Variants in TFDP1 observed in about 807,000 individuals in gnomAD.
TFDP1 encodes transcription factor Dp-1.
In TFDP1, 6 loss-of-function variants were observed where a neutral mutation model predicts 48.0. The ratio of observed to expected loss-of-function variants is 0.13; its 90% CI spans 0.07 to 0.25. The LOEUF (loss-of-function observed/expected upper bound fraction) is 0.25, where lower values mean the gene tolerates loss of function less well. Among genes scored for constraint, TFDP1 ranks in the 10% least tolerant of loss-of-function variants. TFDP1 has a pLI of 1.00. For synonymous variants in TFDP1, 201 were observed against 211.6 expected (o/e 0.95, Z 0.44); for missense variants, 335 against 543.0 (o/e 0.62, Z 3.81).
rs1051333037 is a variant in TFDP1 at position 113,633,610 on chromosome 13, G to A, written c.475-280G>A. ...ACTCCAGTGAGTGAGCACGTGGGCT[G>A]GCTCTGCACGTCTAGCGGCCCAGAA... is the stretch of plus-strand genomic sequence containing the variant. On this transcript the variant is annotated intron_variant, in intron 6 of 11. Transcript: ENST00000375370. The surrounding 1 kb of genome is among the most constrained non-coding windows in gnomAD (Gnocchi z 4.5). 6.6e-6 allele frequency among the ~76,000 whole-genome samples: 1 copy of A among 152,214 alleles called. No homozygotes were observed. Among genetic ancestry groups the A allele is most frequent in the Non-Finnish European group, 1.5e-5 (1 of 68,052 alleles).
chr13:113,619,642 C>T (rs1230919909), intron 3 of TFDP1, among the ~76,000 whole-genome samples: 1 of 152,084 alleles, frequency 6.6e-6, no homozygotes, highest in African/African-American at 2.4e-5. Context: ...CAAGCTCAGC[C>T]CCTATCTCCA....
chr13:113,585,209 G>C (rs2047968894), intron 1 of TFDP1: 1 of 148,818 alleles, frequency 6.7e-6, no homozygotes, highest in Non-Finnish European at 1.5e-5. Flanking sequence ...GCAGGGCGGG[G>C]GAGGGGAGGC....
At chr13:113,594,157 G>C (rs71449024) in intron 2 of TFDP1, among the ~76,000 whole-genome samples, 1 of 142,548 alleles carries the variant, frequency 7.0e-6, no homozygotes, top group Non-Finnish European at 1.5e-5. Context: ...CGGGTCCTCA[G>C]CCGTGCCCAG....
At chr13:113,599,114 A>C (rs1358912556) in intron 2 of TFDP1, among the ~76,000 whole-genome samples, 1 of 151,964 alleles carries the variant, frequency 6.6e-6, no homozygotes, top group Non-Finnish European at 1.5e-5. Flanking sequence ...AATTCTAAAT[A>C]AATGAACTCA....
At chr13:113,628,060 T>C (rs1432058017) in intron 4 of TFDP1, among the ~76,000 whole-genome samples, 1 of 152,106 alleles carries the variant, frequency 6.6e-6, no homozygotes, top group African/African-American at 2.4e-5. Context: ...GCAAAAGCTT[T>C]AGAGTCGAAA....
intron 3 of TFDP1, among the ~76,000 whole-genome samples, chr13:113,622,082 C>A (rs2049008730): frequency 1.3e-5 from 2 of 152,230 alleles, no homozygotes; most frequent in Admixed American, 6.5e-5. Flanking sequence ...GGGAAGGGCC[C>A]CCTGTCCAGT....
intron 3 of TFDP1, among the ~76,000 whole-genome samples, chr13:113,618,615 C>A (rs1158887761): frequency 1.3e-5 from 2 of 152,178 alleles, no homozygotes; most frequent in Non-Finnish European, 2.9e-5. Flanking sequence ...GCCACTGGTG[C>A]GTCTGGCCTG....
chr13:113,604,237 G>A (rs2048509774), intron 2 of TFDP1, among the ~76,000 whole-genome samples: 1 of 151,590 alleles, frequency 6.6e-6, no homozygotes, highest in African/African-American at 2.4e-5. Context: ...GTGGGTCACA[G>A]CCCACAAGAA....
chr13:113,597,068 C>G (rs975714899), intron 2 of TFDP1, among the ~76,000 whole-genome samples: 3 of 152,152 alleles, frequency 2.0e-5, no homozygotes, highest in African/African-American at 4.8e-5. Context: ...CTGGATACCC[C>G]CTGTCTGGCC....
intron 2 of TFDP1, among the ~76,000 whole-genome samples, chr13:113,602,211 G>T (rs2048452426): frequency 6.6e-6 from 1 of 151,628 alleles, no homozygotes; most frequent in Non-Finnish European, 1.5e-5. Flanking sequence ...CGCAGGAGCT[G>T]AGGGAGGAGC....
rs1025265466 is a variant in TFDP1, at chr13:113,637,961, G to A, written c.1085+65G>A. 1.3e-4 allele frequency: 201 copies of A among 1,579,816 alleles called. 1 individual carries two copies. Among genetic ancestry groups the A allele is most frequent in the Admixed American group, 8.7e-5 (5 of 57,582 alleles). ...CCTCCCCCGGGGTCCAGGGGCCAAG[G>A]CAGGGCAGCCGTCTCAGGTGTGGCC... On this transcript the variant is annotated intron_variant, in intron 11 of 11. Transcript: ENST00000375370.
rs981978543 is a variant in TFDP1, at chr13:113,595,663, A to C, written c.12+9814A>C. Among the ~76,000 whole-genome samples, 3 of 152,192 alleles carry C rather than the reference A, an allele frequency of 2.0e-5. No individual in the cohort carries two copies. In the East Asian group the frequency reaches 5.8e-4, roughly 29 times the overall value. ...CTTAGGATGAATTCCTGGAGGTGAA[A>C]TTGCCTGTGCGCGTGCATGTCTGTG... On this transcript the variant is annotated intron_variant, in intron 2 of 11. Transcript: ENST00000375370.
intron 2 of TFDP1, among the ~76,000 whole-genome samples, chr13:113,590,501 C>T (rs564368457): frequency 1.1e-4 from 17 of 152,306 alleles, no homozygotes; most frequent in Admixed American, 2.6e-4. Context: ...GTTCTGGGAA[C>T]AGGATTCAGC....
chr13:113,607,767 G>T lies in TFDP1; in HGVS notation c.13-3229G>T, dbSNP rs377007449. On this transcript the variant is annotated intron_variant, in intron 2 of 11. Transcript: ENST00000375370. The surrounding 1 kb of genome is among the most constrained non-coding windows in gnomAD (Gnocchi z 5.2). Reference sequence around the variant, plus strand: ...GGCTGTGCCAGTGGGTGGCGGTGACGGGGGCCAGTGGTTTCCTGGACCTGG... The same window carrying T: ...GGCTGTGCCAGTGGGTGGCGGTGACTGGGGCCAGTGGTTTCCTGGACCTGG... 3.3e-5 allele frequency among the ~76,000 whole-genome samples: 5 copies of T among 152,150 alleles called. No homozygotes were observed. The highest frequency in any genetic ancestry group is 6.5e-5 in the Admixed American group (1 of 15,284).
chr13:113,588,681 G>T (rs2048063517), intron 2 of TFDP1, among the ~76,000 whole-genome samples: 2 of 152,016 alleles, frequency 1.3e-5, no homozygotes, highest in Non-Finnish European at 2.9e-5. Context: ...AGTGATCAGT[G>T]ATGGTGTAGT....
intron 4 of TFDP1, among the ~76,000 whole-genome samples, chr13:113,624,899 C>T (rs372763850): frequency 1.9e-4 from 20 of 107,034 alleles, no homozygotes; most frequent in South Asian, 7.0e-4. Context: ...ACGTGTCCTC[C>T]GGTGTCTCTC....
In TFDP1 at chr13:113,628,517, C is replaced by T. The variant is rs117150766; in HGVS notation, c.187-3106C>T. 1.2e-3 allele frequency among the ~76,000 whole-genome samples: 177 copies of T among 152,316 alleles called. 3 individuals carry two copies. The East Asian group carries it at 0.032, about 27-fold the overall frequency. On this transcript the variant is annotated intron_variant, in intron 4 of 11. Coordinates refer to ENST00000375370, the MANE Select transcript of TFDP1 (RefSeq NM_007111.5). ...GCTGTTAAATCTAAGGGGTGGGTGT[C>T]CCTGGCGCCTTTCAGCCCCTGCCTG... is the stretch of plus-strand genomic sequence containing the variant.
intron 2 of TFDP1, among the ~76,000 whole-genome samples, chr13:113,602,006 C>T (rs1303308853): frequency 3.4e-5 from 5 of 148,510 alleles, no homozygotes; most frequent in East Asian, 4.0e-4. Context: ...CCGCAGGAGT[C>T]GAGGGAGGAG....
chr13:113,591,844 G>C (rs1287014453), intron 2 of TFDP1, among the ~76,000 whole-genome samples: 1 of 152,208 alleles, frequency 6.6e-6, no homozygotes, highest in Non-Finnish European at 1.5e-5. Context: ...GGCTGAATTA[G>C]GTGACCCCTC....
Sources: allele counts gnomAD v4.1 joint callset (sites outside exome capture counted in the v4.1 genomes callset), GRCh38; gene constraint gnomAD v4.1.1; non-coding constraint Gnocchi (gnomAD v3.1); transcripts MANE v1.5; gene names NCBI Gene and HGNC (gene_info 2026-07-23, HGNC 2026-07-21).